Variants in CDCA2 observed in about 807,000 individuals in gnomAD.
CDCA2 encodes cell division cycle-associated protein 2.
CDCA2 carries 44 observed loss-of-function variants against 67.0 expected under a neutral mutation model. The observed-to-expected ratio is 0.66, with a 90% CI of 0.52 to 0.84. The LOEUF is 0.84. Ranked by LOEUF, CDCA2 falls within the 40% of genes least tolerant of loss-of-function variation. The pLI is 0.00. For synonymous variants in CDCA2, 447 were observed against 418.7 expected (o/e 1.07, Z -0.82); for missense variants, 1,253 against 1,203.2 (o/e 1.04, Z -0.61).
chr8:25,492,671 A>G (rs775977156), intron 13 of CDCA2, among the ~76,000 whole-genome samples: 4 of 152,208 alleles, frequency 2.6e-5, no homozygotes, highest in Non-Finnish European at 5.9e-5. Context: ...AGAAGAAAAG[A>G]GTATGAAAGC....
chr8:25,486,612 G>A (rs940076119), intron 11 of CDCA2, among the ~76,000 whole-genome samples: 4 of 150,644 alleles, frequency 2.7e-5, no homozygotes, highest in East Asian at 3.9e-4. Context: ...AGACCAGCCT[G>A]GTCAACTTGG....
At chr8:25,486,857 T>C (rs965288188) in intron 11 of CDCA2, among the ~76,000 whole-genome samples, 1 of 152,176 alleles carries the variant, frequency 6.6e-6, no homozygotes, top group Non-Finnish European at 1.5e-5. Flanking sequence ...TATCCTACAC[T>C]TTAAATAAAA....
At chr8:25,473,781 G>C (rs991719323) in intron 7 of CDCA2, among the ~76,000 whole-genome samples, 1 of 151,936 alleles carries the variant, frequency 6.6e-6, no homozygotes, top group Non-Finnish European at 1.5e-5. Flanking sequence ...CATTTCTTCC[G>C]GTTTTTATTT....
Position 25,468,554 on chromosome 8 carries a change from T to TGTGTGTGTGTGCGC in CDCA2, c.735+144_735+145insTGTGTGTGCGCGTG, listed in dbSNP as rs140233192. ...TGGGGTGTGTGTGTGTGTGTGTGTG[T>TGTGTGTGTGTGCGC]GTGCGTGTGTGTGTGTGTGTTTCCT... On this transcript the variant is annotated intron_variant, in intron 6 of 14. Coordinates refer to ENST00000330560, the MANE Select transcript of CDCA2 (RefSeq NM_152562.4). The TGTGTGTGTGTGCGC allele has an allele frequency of 1.8e-5, 9 of 495,428 alleles. No homozygotes were observed. The East Asian group carries it at 2.7e-4, about 15-fold the overall frequency. 30.7% of individuals were successfully genotyped at this position (495,428 alleles called of 1,614,324 possible). A position where few individuals can be genotyped will look rare whatever the true frequency, so the allele number is the denominator to read the frequency against.
intron 13 of CDCA2, among the ~76,000 whole-genome samples, chr8:25,501,334 C>A (rs1350246365): frequency 1.3e-5 from 2 of 152,216 alleles, no homozygotes; most frequent in Non-Finnish European, 2.9e-5. Context: ...TGAATCTCAC[C>A]ATTAGTTTCA....
intron 3 of CDCA2, among the ~76,000 whole-genome samples, chr8:25,461,268 C>CAAAAAAAAAAAAAAAAAAA (rs61333775): frequency 1.0e-5 from 1 of 95,948 alleles, no homozygotes; most frequent in African/African-American, 4.2e-5. Context: ...ACTCTGTCTC[C>CAAAAAAAAAAAAAAAAAAA]AAAAAAAAAA....
chr8:25,467,971 A>T (rs1315759810), intron 5 of CDCA2, among the ~76,000 whole-genome samples: 1 of 151,978 alleles, frequency 6.6e-6, no homozygotes, highest in Non-Finnish European at 1.5e-5. Flanking sequence ...TACGAAGATT[A>T]GCCAGGCATG....
chr8:25,502,053 A>T (rs778495039), intron 13 of CDCA2, among the ~76,000 whole-genome samples: 73 of 152,146 alleles, frequency 4.8e-4, no homozygotes, highest in Non-Finnish European at 9.4e-4. Flanking sequence ...GCGCACCACC[A>T]CGCCCAGTTA....
chr8:25,463,626 GT>G (rs1802788235), intron 4 of CDCA2, among the ~76,000 whole-genome samples: 1 of 151,808 alleles, frequency 6.6e-6, no homozygotes, highest in Non-Finnish European at 1.5e-5. Flanking sequence ...GGACCTTAAT[GT>G]TGTACGTGTG....
intron 5 of CDCA2, 102 bp downstream of exon 5, chr8:25,466,427 G>C (rs151064599): frequency 9.4e-7 from 1 of 1,066,630 alleles, no homozygotes; most frequent in African/African-American, 1.7e-5. Flanking sequence ...TCAGAACACA[G>C]GTATATTTAT....
At chr8:25,477,393 C>T (rs1193053307) in intron 7 of CDCA2, among the ~76,000 whole-genome samples, 4 of 152,086 alleles carry the variant, frequency 2.6e-5, no homozygotes, top group Non-Finnish European at 5.9e-5. Context: ...CCTTCATGTT[C>T]GGTGCTTGGA....
chr8:25,460,632 A>G, intron 3 of CDCA2, 78 bp downstream of exon 3: 1 of 1,437,510 alleles, frequency 7.0e-7, no homozygotes, highest in Admixed American at 2.2e-5. Context: ...TTATTTGTTT[A>G]TACGTACTGT....
At position 25,462,862 on chromosome 8, in the gene CDCA2, G is replaced by T. The variant is rs547064613; in HGVS notation, c.387+654G>T. ...GGGCTAATTATAAAAATTTTTTTTT[G>T]TAGAGATGGGGCCTCACTATGTTGC... On this transcript the variant is annotated intron_variant, in intron 4 of 14. Transcript: ENST00000330560. 4.6e-5 allele frequency among the ~76,000 whole-genome samples: 7 copies of T among 152,018 alleles called. No individual in the cohort carries two copies. The South Asian group carries it at 1.5e-3, about 31-fold the overall frequency.
intron 3 of CDCA2, 140 bp downstream of exon 3, chr8:25,460,694 G>C (rs1415068733): frequency 6.1e-6 from 5 of 815,438 alleles, no homozygotes; most frequent in Non-Finnish European, 9.4e-6. Flanking sequence ...TCTTCAGAGA[G>C]ACTTCTTTGC....
chr8:25,475,286 C>G (rs1362216483), intron 7 of CDCA2, among the ~76,000 whole-genome samples: 1 of 152,056 alleles, frequency 6.6e-6, no homozygotes, highest in Admixed American at 6.6e-5. Flanking sequence ...TTCAGGAGGC[C>G]GAGGCAGGCA....
chr8:25,460,570 A>G lies in CDCA2; in HGVS notation c.232+16A>G, dbSNP rs1802643067. 1.2e-6 allele frequency: 2 copies of G among 1,604,846 alleles called. No homozygotes were observed. The highest frequency in any genetic ancestry group is 2.2e-5 in the South Asian group (2 of 89,590). On this transcript the variant is annotated intron_variant, in intron 3 of 14. Coordinates refer to ENST00000330560, the MANE Select transcript of CDCA2 (RefSeq NM_152562.4). ...AACTCTGCAGGTAAGAAAAGTTGTCATTCTGTTGTAATGCTTTTCAAGTTT... is the reference window on the plus strand; with the variant it reads ...AACTCTGCAGGTAAGAAAAGTTGTCGTTCTGTTGTAATGCTTTTCAAGTTT...
intron 3 of CDCA2, among the ~76,000 whole-genome samples, chr8:25,461,216 G>T (rs537082727): frequency 7.4e-6 from 1 of 134,434 alleles, no homozygotes; most frequent in East Asian, 2.2e-4. Flanking sequence ...ACCGTGAGTC[G>T]AAATCGCACC....
In CDCA2 at chr8:25,468,404, T is replaced by A; in HGVS notation, c.726T>A (p.Asp242Glu). Residue 242 changes from aspartate (D) to glutamate (E), a missense_variant, in exon 6 of 15, where the codon GAT (aspartate) becomes GAA (glutamate). Coordinates refer to ENST00000330560, the MANE Select transcript of CDCA2 (RefSeq NM_152562.4). ...CATGTGCAGTTGAAACTTCTGTAGA[T>A]CTTTCTGAGGTAATTCACTTACTTT... Reference protein sequence around the residue: ...DRACAVETSVDLSEISSKLGS... With the variant: ...DRACAVETSVELSEISSKLGS... 3 of 1,610,628 alleles carry A rather than the reference T, an allele frequency of 1.9e-6. No homozygotes were observed. The African/African-American group carries it at 4.0e-5, about 22-fold the overall frequency.
chr8:25,460,852 GGAGGGTGTATGATAT>G lies in CDCA2; in HGVS notation c.232+301_232+315del, dbSNP rs1286444639. ...TTTTTGACCTGTCACCTAGGATACAGGAGGGTGTATGATATGAATAGTAATAATGCATTTTGTTTT... is the reference window on the plus strand; with the variant it reads ...TTTTTGACCTGTCACCTAGGATACAGGAATAGTAATAATGCATTTTGTTTT... On this transcript the variant is annotated intron_variant, in intron 3 of 14. Coordinates refer to ENST00000330560, the MANE Select transcript of CDCA2 (RefSeq NM_152562.4). Among the ~76,000 whole-genome samples the G allele has an allele frequency of 4.6e-5, 7 of 152,284 alleles. No individual in the cohort carries two copies. The East Asian group carries it at 1.4e-3, about 29-fold the overall frequency.
Sources: allele counts gnomAD v4.1 joint callset (sites outside exome capture counted in the v4.1 genomes callset), GRCh38; gene constraint gnomAD v4.1.1; transcripts MANE v1.5; gene names NCBI Gene and HGNC (gene_info 2026-07-23, HGNC 2026-07-21).